Variants in TIAM2 observed in about 807,000 individuals in gnomAD.
TIAM2 encodes the protein rho guanine nucleotide exchange factor TIAM2.
A neutral mutation model predicts 152.9 loss-of-function variants in TIAM2; 80 were observed. The ratio of observed to expected loss-of-function variants is 0.52; its 90% CI spans 0.44 to 0.63. TIAM2 has a LOEUF of 0.63. Among genes scored for constraint, TIAM2 ranks in the 30% least tolerant of loss-of-function variants. TIAM2 has a pLI of 0.00. For synonymous variants in TIAM2, 804 were observed against 838.0 expected (o/e 0.96, Z 0.70); for missense variants, 1,965 against 2,120.1 (o/e 0.93, Z 1.44).
intron 14 of TIAM2, among the ~76,000 whole-genome samples, chr6:155,193,424 GA>G (rs559548474): frequency 1.3e-4 from 20 of 151,968 alleles, no homozygotes; most frequent in Non-Finnish European, 2.4e-4. Flanking sequence ...GTCACACTCA[GA>G]TCTCATTGGA....
intron 2 of TIAM2, among the ~76,000 whole-genome samples, chr6:155,101,059 C>G (rs1778539763): frequency 6.6e-6 from 1 of 152,112 alleles, no homozygotes; most frequent in African/African-American, 2.4e-5. Context: ...TCACACCACC[C>G]CTGTTTTAGA....
intron 19 of TIAM2, among the ~76,000 whole-genome samples, chr6:155,246,532 C>T (rs1783342462): frequency 1.3e-5 from 2 of 152,136 alleles, no homozygotes; most frequent in Non-Finnish European, 2.9e-5. Context: ...AAATGGGTCT[C>T]ACTGTGTTGC....
At chr6:155,035,891 T>C (rs1450119733) in intron 1 of TIAM2, among the ~76,000 whole-genome samples, 1 of 152,216 alleles carries the variant, frequency 6.6e-6, no homozygotes, top group Non-Finnish European at 1.5e-5. Flanking sequence ...GTAACTTGTA[T>C]CTCTTTATTT....
chr6:155,076,961 G>C (rs1244695812), intron 1 of TIAM2, among the ~76,000 whole-genome samples: 1 of 152,184 alleles, frequency 6.6e-6, no homozygotes, highest in Non-Finnish European at 1.5e-5. Context: ...CTCCCAAAGT[G>C]CTGGGATTAC....
chr6:155,009,753 T>A (rs1778456728), intron 1 of TIAM2, among the ~76,000 whole-genome samples: 1 of 152,196 alleles, frequency 6.6e-6, no homozygotes, highest in Non-Finnish European at 1.5e-5. Flanking sequence ...AGAAGGCCCC[T>A]TGGGCCCCTC....
intron 7 of TIAM2, among the ~76,000 whole-genome samples, chr6:155,152,826 G>A (rs1165926313): frequency 6.6e-6 from 1 of 152,088 alleles, no homozygotes; most frequent in Non-Finnish European, 1.5e-5. Context: ...GGTGGTGGGT[G>A]GGGGTTTCTC....
At chr6:155,190,150 A>G (rs545114309) in intron 14 of TIAM2, among the ~76,000 whole-genome samples, 2 of 152,366 alleles carry the variant, frequency 1.3e-5, no homozygotes, top group East Asian at 3.9e-4. Context: ...CCTGCCTTCT[A>G]TAAAATATAG....
At chr6:155,089,786 A>G (rs1047700091) in intron 1 of TIAM2, among the ~76,000 whole-genome samples, 1 of 152,016 alleles carries the variant, frequency 6.6e-6, no homozygotes, top group Non-Finnish European at 1.5e-5. Flanking sequence ...TATTTTTGTT[A>G]TTTGTTTATT....
chr6:155,212,787 CAGTG>C (rs955968549), intron 15 of TIAM2, among the ~76,000 whole-genome samples: 2 of 152,088 alleles, frequency 1.3e-5, no homozygotes, highest in Non-Finnish European at 2.9e-5. Context: ...AGGGGTGTGT[CAGTG>C]AGCGCAGTGG....
intron 15 of TIAM2, among the ~76,000 whole-genome samples, chr6:155,228,743 T>C (rs1217396700): frequency 6.6e-6 from 1 of 151,960 alleles, no homozygotes; most frequent in Non-Finnish European, 1.5e-5. Context: ...ACCAAACTCC[T>C]GTTAAATAAG....
intron 1 of TIAM2, among the ~76,000 whole-genome samples, chr6:155,012,671 C>T (rs1490470398): frequency 2.0e-5 from 3 of 152,218 alleles, no homozygotes; most frequent in East Asian, 1.9e-4. Context: ...CTGCATCAGC[C>T]TCCCGAGTAG....
chr6:155,152,198 T>A (rs1270034219), intron 7 of TIAM2, among the ~76,000 whole-genome samples: 1 of 152,182 alleles, frequency 6.6e-6, no homozygotes, highest in East Asian at 1.9e-4. Flanking sequence ...GAACTGTTGC[T>A]CAACCAGGAT....
intron 24 of TIAM2, 150 bp downstream of exon 24, chr6:155,253,203 TC>T: frequency 1.6e-6 from 1 of 632,832 alleles, no homozygotes; most frequent in Non-Finnish European, 2.7e-6. Flanking sequence ...GTTTTGATGT[TC>T]CTTAGCAGAC....
chr6:155,244,875 GTCCTGTGAC>G, intron 18 of TIAM2, 92 bp downstream of exon 18: 1 of 1,409,856 alleles, frequency 7.1e-7, no homozygotes. Context: ...AGAATTTCTT[GTCCTGTGAC>G]TATTGACTAT....
At chr6:155,003,708 C>T (rs899945355) in intron 1 of TIAM2, among the ~76,000 whole-genome samples, 1 of 152,166 alleles carries the variant, frequency 6.6e-6, no homozygotes, top group Admixed American at 6.5e-5. Flanking sequence ...AGCCAGGAAT[C>T]GGTTGTGTGT....
intron 1 of TIAM2, chr6:155,016,511 AAAT>A (rs1778587690): frequency 6.6e-6 from 1 of 150,776 alleles, no homozygotes; most frequent in Non-Finnish European, 1.5e-5. Flanking sequence ...ATTTACATTT[AAAT>A]GGTATTTACA....
intron 7 of TIAM2, among the ~76,000 whole-genome samples, chr6:155,158,484 T>G (rs963723920): frequency 1.3e-5 from 2 of 152,200 alleles, no homozygotes; most frequent in East Asian, 1.9e-4. Context: ...TTTTTTTCAG[T>G]CTTGTCTTTT....
In TIAM2 at chr6:154,996,217, T is replaced by G. The variant is rs78943855; in HGVS notation, c.-209+725T>G. The stretch of plus-strand genomic sequence containing the variant: ...CGCTGGAAAGGTCTGGGAGTAACAT[T>G]GCACGAGGTATTTCTATCTTTAAGG... On this transcript the variant is annotated intron_variant, in intron 1 of 26. Coordinates refer to ENST00000682666, the MANE Select transcript of TIAM2 (RefSeq NM_012454.4). Among the ~76,000 whole-genome samples, 670 of 152,330 alleles carry G rather than the reference T, an allele frequency of 4.4e-3. 11 individuals are homozygous for G. Among genetic ancestry groups the G allele is most frequent in the African/African-American group, 0.015 (627 of 41,576 alleles).
Position 155,156,655 on chromosome 6 carries a change from A to AAAAT in TIAM2, c.2029-7740_2029-7737dup, listed in dbSNP as rs200982075. Among the ~76,000 whole-genome samples, 508 of 152,122 alleles carry AAAAT rather than the reference A, an allele frequency of 3.3e-3. 18 individuals carry two copies. In the East Asian group the frequency reaches 0.05, roughly 15 times the overall value. Reference sequence around the variant, plus strand: ...CCTGGGCAACAGAGTGATATGTCTCAAAATAAATAAATAAATAAATAAAGT... The same window carrying AAAAT: ...CCTGGGCAACAGAGTGATATGTCTCAAAATAAATAAATAAATAAATAAATAAAGT... On this transcript the variant is annotated intron_variant, in intron 7 of 26. Transcript: ENST00000682666. The surrounding 1 kb of genome is among the most constrained non-coding windows in gnomAD (Gnocchi z 4.4).
Sources: allele counts gnomAD v4.1 joint callset (sites outside exome capture counted in the v4.1 genomes callset), GRCh38; gene constraint gnomAD v4.1.1; non-coding constraint Gnocchi (gnomAD v3.1); transcripts MANE v1.5; gene names NCBI Gene and HGNC (gene_info 2026-07-23, HGNC 2026-07-21).